The following CR1L variants were observed in gnomAD, a reference collection of about 807,000 sequenced individuals.
The protein encoded by CR1L is complement component receptor 1-like protein.
Under a neutral mutation model 62.3 loss-of-function variants are expected in CR1L, and 59 were observed. The ratio of observed to expected loss-of-function variants is 0.95; its 90% CI spans 0.77 to 1.18. The LOEUF is 1.18. Among genes scored for constraint, CR1L ranks in the 50% most tolerant of loss-of-function variants. The pLI, the probability that CR1L is intolerant of heterozygous loss-of-function variation, is 0.00. For missense variants in CR1L, 700 were observed against 702.8 expected, an observed-to-expected ratio of 1.00 and a Z score of 0.04; for synonymous variants, 279 against 248.7, an observed-to-expected ratio of 1.12 and a Z score of -1.15.
intron 11 of CR1L, among the ~76,000 whole-genome samples, chr1:207,720,444 C>A (rs1398199607): frequency 1.3e-5 from 2 of 152,092 alleles, no homozygotes; most frequent in African/African-American, 2.4e-5. Flanking sequence ...GGGCGGTGGT[C>A]CAGGCTTGGA....
At chr1:207,705,057 T>G (rs944096757) in intron 9 of CR1L, among the ~76,000 whole-genome samples, 12 of 152,184 alleles carry the variant, frequency 7.9e-5, no homozygotes, top group African/African-American at 2.9e-4. Flanking sequence ...TCTTCCAGCT[T>G]CTGGAGCCCC....
At chr1:207,706,506 A>G (rs753941958) in intron 9 of CR1L, among the ~76,000 whole-genome samples, 24 of 152,160 alleles carry the variant, frequency 1.6e-4, no homozygotes, top group Admixed American at 6.5e-5. Context: ...GTAAGCAAAT[A>G]AGCCCATACC....
At chr1:207,654,521 G>A (rs2102441196) in intron 1 of CR1L, among the ~76,000 whole-genome samples, 1 of 152,244 alleles carries the variant, frequency 6.6e-6, no homozygotes, top group Non-Finnish European at 1.5e-5. Context: ...AAGGAGGAGA[G>A]ATTCCTGTGA....
chr1:207,710,340 C>A, intron 10 of CR1L: 2 of 1,193,324 alleles, frequency 1.7e-6, no homozygotes, highest in Admixed American at 1.8e-5. Context: ...AAGACTCTGT[C>A]CCAAGGTTTT....
At position 207,694,389 on chromosome 1, in the gene CR1L, GAGATTTCACTAGC is replaced by G; in HGVS notation, c.502_514del (p.Asp168SerfsTer12). 1 of 1,613,942 alleles carries G rather than the reference GAGATTTCACTAGC, an allele frequency of 6.2e-7. No homozygotes were observed. The highest frequency in any genetic ancestry group is 8.5e-7 in the Non-Finnish European group (1 of 1,179,878). ...GGGCTACCCCCCACCATCGCCAATG[GAGATTTCACTAGC>G]ATCAGCAGAGAGTATTTTCACTATG... On this transcript the variant is annotated frameshift_variant, in exon 5 of 12. Coordinates refer to ENST00000508064, the MANE Select transcript of CR1L (RefSeq NM_175710.2). LOFTEE classifies it high-confidence loss of function.
intron 9 of CR1L, among the ~76,000 whole-genome samples, chr1:207,706,044 T>TATATATATATAA (rs1491230856): frequency 3.4e-5 from 4 of 118,836 alleles, no homozygotes; most frequent in Admixed American, 8.3e-5. Flanking sequence ...TATATATATA[T>TATATATATATAA]AAAACACTGA....
chr1:207,664,889 C>T (rs1663489833), intron 1 of CR1L, among the ~76,000 whole-genome samples: 1 of 152,104 alleles, frequency 6.6e-6, no homozygotes, highest in Non-Finnish European at 1.5e-5. Flanking sequence ...AAAAAATGTC[C>T]AGGAAGTCCT....
At chr1:207,684,084 G>A (rs533346142) in intron 4 of CR1L, 127 bp downstream of exon 4, 382 of 797,216 alleles carry the variant, frequency 4.8e-4, no homozygotes, top group Admixed American at 1.3e-3. Flanking sequence ...CAGCCATAAT[G>A]TTCTCAGATA....
rs572460849 is a variant in CR1L, at chr1:207,677,468, A to C, written c.177A>C (p.Thr59=). 1.2e-6 allele frequency: 2 copies of C among 1,613,986 alleles called. No individual in the cohort carries two copies. The highest frequency in any genetic ancestry group is 4.5e-5 in the East Asian group (2 of 44,882). ...LTDDFEFPIG[T]YLNYECRPGY... ...ATGACTTTGAGTTTCCCATTGGGACATATCTGAACTATGAATGCCGCCCTG... is the reference window on the plus strand; with the variant it reads ...ATGACTTTGAGTTTCCCATTGGGACCTATCTGAACTATGAATGCCGCCCTG... The change falls in exon 2 of 12, where the codon ACA becomes ACC. Residue 59 remains threonine (T), a synonymous_variant. Transcript: ENST00000508064.
intron 3 of CR1L, among the ~76,000 whole-genome samples, 160 bp from the exon 4 acceptor site, chr1:207,683,712 G>C (rs1394356906): frequency 6.6e-6 from 1 of 152,206 alleles, no homozygotes; most frequent in Non-Finnish European, 1.5e-5. Flanking sequence ...AAATGACAAA[G>C]TCCCAAGAAT....
At chr1:207,673,061 T>G (rs1275479128) in intron 1 of CR1L, among the ~76,000 whole-genome samples, 1 of 152,140 alleles carries the variant, frequency 6.6e-6, no homozygotes, top group East Asian at 1.9e-4. Context: ...GTCAGAGACA[T>G]TAAGAGAAAC....
chr1:207,677,671 T>C, intron 2 of CR1L, 103 bp downstream of exon 2: 3 of 1,340,184 alleles, frequency 2.2e-6, no homozygotes, highest in Non-Finnish European at 3.1e-6. Flanking sequence ...ACAATTAGTT[T>C]GCTAAGGTGC....
chr1:207,688,591 T>A (rs1663948611), intron 4 of CR1L, among the ~76,000 whole-genome samples: 1 of 152,204 alleles, frequency 6.6e-6, no homozygotes, highest in African/African-American at 2.4e-5. Flanking sequence ...AAATTTAGAA[T>A]CAGCTTGTCA....
chr1:207,668,256 T>C (rs929614386), intron 1 of CR1L, among the ~76,000 whole-genome samples: 1 of 151,118 alleles, frequency 6.6e-6, no homozygotes, highest in African/African-American at 2.5e-5. Flanking sequence ...AGCCAAGGTA[T>C]GGAATCAACC....
chr1:207,710,117 G>T (rs1411129748), intron 10 of CR1L, among the ~76,000 whole-genome samples: 1 of 152,182 alleles, frequency 6.6e-6, no homozygotes, highest in African/African-American at 2.4e-5. Flanking sequence ...GCAGAGGCAG[G>T]TGGATTGCTT....
chr1:207,677,577 C>A lies in CR1L; in HGVS notation c.277+9C>A. The A allele has an allele frequency of 6.2e-7, 1 of 1,610,072 alleles. No homozygotes were observed. The highest frequency in any genetic ancestry group is 8.5e-7 in the Non-Finnish European group (1 of 1,178,514). ...TAAGGACAAGTGCAAACGTAAGTAA[C>A]TCTGGAGTGGGAACCCCTCTGTTAG... is the stretch of plus-strand genomic sequence containing the variant. On this transcript the variant is annotated intron_variant, in intron 2 of 11. Coordinates refer to ENST00000508064, the MANE Select transcript of CR1L (RefSeq NM_175710.2).
At chr1:207,663,421 G>T (rs1020894896) in intron 1 of CR1L, among the ~76,000 whole-genome samples, 1 of 152,216 alleles carries the variant, frequency 6.6e-6, no homozygotes, top group Admixed American at 6.5e-5. Context: ...GCAAGACTCC[G>T]TGGGCGTAGG....
At chr1:207,710,176 T>A (rs761066182) in intron 10 of CR1L, among the ~76,000 whole-genome samples, 11 of 151,952 alleles carry the variant, frequency 7.2e-5, no homozygotes, top group Non-Finnish European at 1.3e-4. Flanking sequence ...AAACCCCAAC[T>A]CCACCAGAAA....
chr1:207,696,325 A>G (rs1016367695), intron 5 of CR1L, among the ~76,000 whole-genome samples: 7 of 152,258 alleles, frequency 4.6e-5, no homozygotes, highest in African/African-American at 1.7e-4. Flanking sequence ...AGCCACCTCT[A>G]GAAGTAGAAC....
Sources: allele counts gnomAD v4.1 joint callset (sites outside exome capture counted in the v4.1 genomes callset), GRCh38; gene constraint gnomAD v4.1.1; transcripts MANE v1.5; gene names NCBI Gene and HGNC (gene_info 2026-07-23, HGNC 2026-07-21).